ZFHX3: variants seen among roughly 807,000 people sequenced by gnomAD.
The protein encoded by ZFHX3 is zinc finger homeobox 3.
In ZFHX3, 42 loss-of-function variants were observed where a neutral mutation model predicts 279.1. The ratio of observed to expected loss-of-function variants is 0.15; its 90% CI spans 0.12 to 0.19. The LOEUF is 0.19. ZFHX3 is among the 10% of genes least tolerant of loss of function. The pLI, the probability that ZFHX3 is intolerant of heterozygous loss-of-function variation, is 1.00. For synonymous variants in ZFHX3, 2,293 were observed against 1,957.8 expected (o/e 1.17, Z -4.52); for missense variants, 4,981 against 4,754.0 (o/e 1.05, Z -1.40).
intron 3 of ZFHX3, among the ~76,000 whole-genome samples, chr16:73,377,522 G>A (rs1412601848): frequency 6.6e-6 from 1 of 152,042 alleles, no homozygotes; most frequent in East Asian, 1.9e-4. Flanking sequence ...GGAAATCAAT[G>A]TGTAAAGATG....
chr16:72,984,522 A>G (rs4788685), intron 1 of ZFHX3, among the ~76,000 whole-genome samples: 31,198 of 151,578 alleles, frequency 0.21, 3,421 homozygotes, highest in East Asian at 0.37. Context: ...GCTACTTGGG[A>G]GGCTGAGGTG....
chr16:72,971,786 T>A (rs186402635), intron 1 of ZFHX3, among the ~76,000 whole-genome samples: 1 of 152,006 alleles, frequency 6.6e-6, no homozygotes, highest in East Asian at 1.9e-4. Flanking sequence ...AGAAATGGCA[T>A]CTCATTTTAA....
intron 2 of ZFHX3, among the ~76,000 whole-genome samples, chr16:73,645,674 A>T (rs577151786): frequency 6.6e-6 from 1 of 152,344 alleles, no homozygotes; most frequent in East Asian, 1.9e-4. Flanking sequence ...TTTAACAAGC[A>T]TTTATTAATA....
chr16:73,715,213 G>A (rs1162046356), intron 1 of ZFHX3, among the ~76,000 whole-genome samples: 1 of 152,024 alleles, frequency 6.6e-6, no homozygotes, highest in African/African-American at 2.4e-5. Flanking sequence ...CTCAACATGG[G>A]TTGAGACCTA....
At chr16:72,916,976 C>A (rs1243352981) in intron 3 of ZFHX3, among the ~76,000 whole-genome samples, 1 of 152,172 alleles carries the variant, frequency 6.6e-6, no homozygotes, top group Non-Finnish European at 1.5e-5. Context: ...CAGTGGCTCA[C>A]ACCTGTAATC....
intron 1 of ZFHX3, among the ~76,000 whole-genome samples, chr16:73,835,457 GC>G (rs1961116517): frequency 1.4e-5 from 1 of 71,324 alleles, no homozygotes; most frequent in Admixed American, 1.7e-4. Flanking sequence ...TCCCTCTTCT[GC>G]TTTTTTTTTT....
Position 73,445,194 on chromosome 16 carries a change from A to G in ZFHX3, c.-1291+10809T>C, listed in dbSNP as rs538959050. 2.6e-5 allele frequency among the ~76,000 whole-genome samples: 4 copies of G among 152,082 alleles called. No individual in the cohort carries two copies. The East Asian group carries it at 7.7e-4, about 29-fold the overall frequency. ...TATAGATGTATATATGTAGTTCTGT[A>G]TATGTATATACATAATTCGAATATA... On this transcript the variant is annotated intron_variant, in intron 3 of 17. Coordinates refer to the ZFHX3 transcript ENST00000641206.
chr16:72,801,111 T>G (rs546499748), intron 7 of ZFHX3, among the ~76,000 whole-genome samples: 1 of 152,314 alleles, frequency 6.6e-6, no homozygotes, highest in South Asian at 2.1e-4. Flanking sequence ...TTGCCTGATA[T>G]GGGGTGGGAA....
At chr16:73,104,415 G>C (rs1266800654) in intron 7 of ZFHX3, among the ~76,000 whole-genome samples, 1 of 151,960 alleles carries the variant, frequency 6.6e-6, no homozygotes, top group Non-Finnish European at 1.5e-5. Flanking sequence ...ATTTTTGGTA[G>C]AGACAGGGTT....
At chr16:73,462,426 A>G (rs2018488395) in intron 2 of ZFHX3, among the ~76,000 whole-genome samples, 1 of 152,114 alleles carries the variant, frequency 6.6e-6, no homozygotes, top group African/African-American at 2.4e-5. Context: ...ACCTTAACAC[A>G]TTGACTAGAA....
At chr16:73,820,192 C>T (rs1043015412) in intron 1 of ZFHX3, among the ~76,000 whole-genome samples, 1 of 152,134 alleles carries the variant, frequency 6.6e-6, no homozygotes, top group African/African-American at 2.4e-5. Context: ...TGGGTTCATG[C>T]CATTCTCCTG....
intron 9 of ZFHX3, among the ~76,000 whole-genome samples, chr16:72,792,727 GGCATGAACCACT>G (rs1472816893): frequency 4.6e-5 from 7 of 152,288 alleles, no homozygotes; most frequent in African/African-American, 1.4e-4. Flanking sequence ...TGGGATTACA[GGCATGAACCACT>G]GCACCCGGCC....
At chr16:73,335,662 C>T (rs748966564) in intron 3 of ZFHX3, among the ~76,000 whole-genome samples, 23 of 152,212 alleles carry the variant, frequency 1.5e-4, no homozygotes, top group Non-Finnish European at 2.4e-4. Context: ...CTGAATGTCC[C>T]CAAGGTCCTG....
At chr16:72,884,934 G>A (rs1362511565) in intron 4 of ZFHX3, among the ~76,000 whole-genome samples, 1 of 152,184 alleles carries the variant, frequency 6.6e-6, no homozygotes, top group East Asian at 1.9e-4. Context: ...ATGAAATGCC[G>A]AGACGAAATC....
chr16:73,251,193 T>C (rs2013476215), intron 5 of ZFHX3, among the ~76,000 whole-genome samples: 1 of 152,138 alleles, frequency 6.6e-6, no homozygotes, highest in African/African-American at 2.4e-5. Flanking sequence ...TCACAGATAA[T>C]CCAAAGTACC....
chr16:73,584,194 T>A (rs2051893946), intron 2 of ZFHX3, among the ~76,000 whole-genome samples: 1 of 152,220 alleles, frequency 6.6e-6, no homozygotes, highest in Admixed American at 6.5e-5. Context: ...AACATACATC[T>A]AATTGGAGTC....
chr16:73,574,250 C>A (rs2051773585), intron 2 of ZFHX3, among the ~76,000 whole-genome samples: 1 of 152,130 alleles, frequency 6.6e-6, no homozygotes, highest in Non-Finnish European at 1.5e-5. Context: ...CTCTTTATTT[C>A]TCATTGCTTA....
intron 3 of ZFHX3, among the ~76,000 whole-genome samples, chr16:73,448,685 C>CGT (rs71156167): frequency 0.086 from 12,268 of 141,976 alleles, 632 homozygotes; most frequent in East Asian, 0.2. Flanking sequence ...TATTTATATA[C>CGT]GTGTGTGTGT....
chr16:73,579,900 T>G (rs1259204921), intron 2 of ZFHX3, among the ~76,000 whole-genome samples: 2 of 141,644 alleles, frequency 1.4e-5, no homozygotes, highest in African/African-American at 5.5e-5. Context: ...AATGTATTAA[T>G]ATAATGTATT....
Sources: allele counts gnomAD v4.1 joint callset (sites outside exome capture counted in the v4.1 genomes callset), GRCh38; gene constraint gnomAD v4.1.1; transcripts MANE v1.5; gene names NCBI Gene and HGNC (gene_info 2026-07-23, HGNC 2026-07-21).